Variants in DSTN observed in about 807,000 individuals in gnomAD.
DSTN encodes the protein destrin, actin depolymerizing factor.
In DSTN, 10 loss-of-function variants were observed where a neutral mutation model predicts 16.8. The observed-to-expected ratio is 0.60, with a 90% CI of 0.37 to 1.01. The LOEUF is 1.01. Ranked by LOEUF, DSTN falls within the 50% of genes least tolerant of loss-of-function variation. DSTN has a pLI of 0.01. For synonymous variants in DSTN, 57 were observed against 58.9 expected (o/e 0.97, Z 0.14); for missense variants, 141 against 196.7 (o/e 0.72, Z 1.69).
chr20:17,604,494 C>A, intron 2 of DSTN, 61 bp from the exon 3 acceptor site: 3 of 1,494,222 alleles, frequency 2.0e-6, no homozygotes, highest in Non-Finnish European at 2.7e-6. Flanking sequence ...AAATGTTTAA[C>A]AAGTTGCAAG....
intron 3 of DSTN, 47 bp from the exon 4 acceptor site, chr20:17,606,989 TA>T (rs769371206): frequency 1.3e-6 from 2 of 1,593,028 alleles, no homozygotes; most frequent in Admixed American, 1.7e-5. Flanking sequence ...GAGAAAGAGG[TA>T]AACTGCTGCC....
At chr20:17,594,082 A>AAAATAAATAAAT (rs59974407) in intron 1 of DSTN, among the ~76,000 whole-genome samples, 4,534 of 145,568 alleles carry the variant, frequency 0.031, 93 homozygotes, top group East Asian at 0.036. Context: ...CCGTATCTCA[A>AAAATAAATAAAT]AAATAAATAA....
At chr20:17,576,451 C>T (rs556433186) in intron 1 of DSTN, 19 of 161,682 alleles carry the variant, frequency 1.2e-4, no homozygotes, top group Admixed American at 4.6e-4. Context: ...CCAGATCAGC[C>T]GAATCAACCC....
chr20:17,601,263 T>TG (rs1188565311), intron 2 of DSTN, among the ~76,000 whole-genome samples: 1 of 151,400 alleles, frequency 6.6e-6, no homozygotes, highest in Non-Finnish European at 1.5e-5. Flanking sequence ...CTCTCCGTTT[T>TG]TGTTTTTTTT....
intron 1 of DSTN, among the ~76,000 whole-genome samples, chr20:17,584,093 T>C (rs1305977677): frequency 6.6e-6 from 1 of 152,146 alleles, no homozygotes; most frequent in Non-Finnish European, 1.5e-5. Context: ...GTGGTGGTGA[T>C]GGATGCACAA....
intron 1 of DSTN, among the ~76,000 whole-genome samples, chr20:17,574,849 C>CTTTTCTTTTTTTT (rs2035254697): frequency 1.3e-5 from 1 of 76,070 alleles, no homozygotes; most frequent in African/African-American, 6.0e-5. Flanking sequence ...TCTTTCTTTT[C>CTTTTCTTTTTTTT]TTTTTCTTTT....
rs562267972 is a variant in DSTN at position 17,609,241 on chromosome 20, TCC to T, written c.*2099_*2100del. The T allele has an allele frequency of 6.2e-4, 94 of 152,292 alleles. No homozygotes were observed. The highest frequency in any genetic ancestry group is 2.2e-3 in the African/African-American group (92 of 41,548). The allele number at this position is 152,292 out of a possible 1,614,324, so 9.4% of individuals were successfully genotyped here. ...TTTTTTGAGACAGGGTCTCACTCTT[TCC>T]CCCAGGCTAGAGTGCAGTGGTGCAA... On this transcript the variant is annotated 3_prime_UTR_variant, in exon 4 of 4. Coordinates refer to ENST00000246069, the MANE Select transcript of DSTN (RefSeq NM_006870.4).
At chr20:17,597,954 T>C (rs1261457840) in intron 1 of DSTN, among the ~76,000 whole-genome samples, 1 of 152,194 alleles carries the variant, frequency 6.6e-6, no homozygotes, top group Non-Finnish European at 1.5e-5. Flanking sequence ...ATAGGTGCCC[T>C]TTTCTGTCTG....
chr20:17,588,058 A>G (rs1223917855), intron 1 of DSTN, among the ~76,000 whole-genome samples: 5 of 152,176 alleles, frequency 3.3e-5, no homozygotes, highest in African/African-American at 1.2e-4. Flanking sequence ...TGCACAGTGT[A>G]TGACCATACC....
intron 1 of DSTN, among the ~76,000 whole-genome samples, chr20:17,582,272 T>G (rs1022337016): frequency 6.6e-6 from 1 of 151,510 alleles, no homozygotes; most frequent in African/African-American, 2.4e-5. Flanking sequence ...TAGAGATGGG[T>G]TTTCAACCAT....
At chr20:17,601,864 T>C (rs1057235968) in intron 2 of DSTN, among the ~76,000 whole-genome samples, 2 of 152,100 alleles carry the variant, frequency 1.3e-5, no homozygotes, top group African/African-American at 4.8e-5. Flanking sequence ...TATACTGCAT[T>C]CCTTGATATG....
chr20:17,586,596 C>T (rs1306626992), intron 1 of DSTN, among the ~76,000 whole-genome samples: 2 of 152,126 alleles, frequency 1.3e-5, no homozygotes, highest in Admixed American at 1.3e-4. Flanking sequence ...GTTTTTAATT[C>T]GTAGTTTTGA....
At position 17,607,932 on chromosome 20, in the gene DSTN, C is replaced by A. The variant is rs2035659637; in HGVS notation, c.*786C>A. On this transcript the variant is annotated 3_prime_UTR_variant, in exon 4 of 4. Transcript: ENST00000246069. ...ACAGAATATTGACAAGCTAGGACACCTGTGGTATCTTTAATTGTATCTCCT... is the reference window on the plus strand; with the variant it reads ...ACAGAATATTGACAAGCTAGGACACATGTGGTATCTTTAATTGTATCTCCT... The A allele has an allele frequency of 6.6e-6, 1 of 152,154 alleles. No homozygotes were observed. The highest frequency in any genetic ancestry group is 2.4e-5 in the African/African-American group (1 of 41,426). The allele number at this position is 152,154 out of a possible 1,614,324, so 9.4% of individuals were successfully genotyped here.
intron 1 of DSTN, among the ~76,000 whole-genome samples, chr20:17,589,602 TC>T (rs2035448777): frequency 6.6e-6 from 1 of 152,246 alleles, no homozygotes; most frequent in Non-Finnish European, 1.5e-5. Context: ...ATTTATTGTC[TC>T]AGCATGATTG....
At chr20:17,586,835 A>G (rs369180102) in intron 1 of DSTN, among the ~76,000 whole-genome samples, 12 of 152,214 alleles carry the variant, frequency 7.9e-5, no homozygotes, top group South Asian at 4.1e-4. Flanking sequence ...AGTTAGCAGT[A>G]TGATAATTCA....
intron 1 of DSTN, among the ~76,000 whole-genome samples, chr20:17,574,849 C>CTTTTCTTTT (rs2035254697): frequency 1.3e-5 from 1 of 76,070 alleles, no homozygotes; most frequent in African/African-American, 6.0e-5. Context: ...TCTTTCTTTT[C>CTTTTCTTTT]TTTTTCTTTT....
intron 1 of DSTN, among the ~76,000 whole-genome samples, chr20:17,581,307 C>T (rs1381654866): frequency 6.6e-6 from 1 of 152,190 alleles, no homozygotes; most frequent in East Asian, 1.9e-4. Context: ...ATAGAGAGAA[C>T]CCGTCTCTAC....
At chr20:17,604,333 C>CT (rs943912667) in intron 2 of DSTN, among the ~76,000 whole-genome samples, 1 of 152,152 alleles carries the variant, frequency 6.6e-6, no homozygotes, top group Non-Finnish European at 1.5e-5. Flanking sequence ...TGGTTCTCTT[C>CT]TTTTTTCCCA....
chr20:17,608,875 C>T lies in DSTN; in HGVS notation c.*1729C>T, dbSNP rs2035670557. On this transcript the variant is annotated 3_prime_UTR_variant, in exon 4 of 4. Coordinates refer to ENST00000246069, the MANE Select transcript of DSTN (RefSeq NM_006870.4). The stretch of plus-strand genomic sequence containing the variant: ...CTGCATATACTATGGTGGTCCCATA[C>T]AATTATAATGTATTTTCTACTGTAA... The T allele has an allele frequency of 6.6e-6, 1 of 152,116 alleles. No homozygotes were observed. Among genetic ancestry groups the T allele is most frequent in the African/African-American group, 2.4e-5 (1 of 41,414 alleles). The allele number at this position is 152,116 out of a possible 1,614,324, so 9.4% of individuals were successfully genotyped here.
Sources: gnomAD v4.1 joint callset for allele counts (sites outside exome capture counted in the v4.1 genomes callset) on GRCh38, gnomAD v4.1.1 for gene constraint, MANE v1.5 for transcripts, NCBI Gene and HGNC (gene_info 2026-07-23, HGNC 2026-07-21) for gene names.